Variants in AGAP3 observed in about 807,000 individuals in gnomAD.
AGAP3 encodes the protein arf-GAP with GTPase, ANK repeat and PH domain-containing protein 3.
In AGAP3, 24 loss-of-function variants were observed where a neutral mutation model predicts 96.9. The ratio of observed to expected loss-of-function variants is 0.25; its 90% confidence interval spans 0.18 to 0.35. AGAP3 has a LOEUF of 0.35. Among genes scored for constraint, AGAP3 ranks in the 10% least tolerant of loss-of-function variants. The pLI is 1.00. For synonymous variants in AGAP3, 563 were observed against 536.1 expected (o/e 1.05, Z -0.69); for missense variants, 876 against 1,254.2 (o/e 0.70, Z 4.55).
At chr7:151,131,018 G>C (rs2150514583) in intron 10 of AGAP3, 1 of 152,406 alleles carries the variant, frequency 6.6e-6, no homozygotes, top group East Asian at 1.9e-4. Context: ...AGGAGCTCCG[G>C]CAACTCCAGA....
At position 151,086,515 on chromosome 7, in the gene AGAP3, G is replaced by C. The variant is rs1191080258; in HGVS notation, c.-227G>C. ...GGCTGCTCCGAGGCAGCGGGATCACGGCGCTGGGAAGCGCTCGGCAGCGGC... is the reference window on the plus strand; with the variant it reads ...GGCTGCTCCGAGGCAGCGGGATCACCGCGCTGGGAAGCGCTCGGCAGCGGC... On this transcript the variant is annotated 5_prime_UTR_variant, in exon 1 of 18. Coordinates refer to ENST00000397238, the MANE Select transcript of AGAP3 (RefSeq NM_031946.7). Among the ~76,000 whole-genome samples the C allele has an allele frequency of 4.7e-5, 7 of 147,840 alleles. No individual in the cohort carries two copies. Among genetic ancestry groups the C allele is most frequent in the African/African-American group, 1.7e-4 (7 of 41,068 alleles).
At chr7:151,094,423 C>T (rs149309286) in intron 1 of AGAP3, among the ~76,000 whole-genome samples, 15 of 151,292 alleles carry the variant, frequency 9.9e-5, no homozygotes, top group African/African-American at 3.6e-4. Flanking sequence ...GGCATAGAGA[C>T]AGCCTGGAGT....
chr7:151,124,745 G>A (rs1418631565), intron 9 of AGAP3, among the ~76,000 whole-genome samples: 2 of 152,212 alleles, frequency 1.3e-5, no homozygotes, highest in Non-Finnish European at 2.9e-5. Flanking sequence ...CTTGTGGGGA[G>A]GGGCCAGTCG....
chr7:151,115,508 C>T, intron 1 of AGAP3: 23 of 1,026,174 alleles, frequency 2.2e-5, no homozygotes, highest in Non-Finnish European at 2.6e-5. Context: ...CGCCGGAGCC[C>T]GGCCGCCCCC....
rs759579708 is a variant in AGAP3 at position 151,142,446 on chromosome 7, G to A, written c.2085G>A (p.Leu695=). 1.2e-6 allele frequency: 2 copies of A among 1,614,008 alleles called. No individual in the cohort carries two copies. The highest frequency in any genetic ancestry group is 1.7e-6 in the Non-Finnish European group (2 of 1,180,014). Residue 695 remains leucine, a synonymous_variant, in exon 16 of 18, where the codon CTG becomes CTA. Coordinates refer to ENST00000397238, the MANE Select transcript of AGAP3 (RefSeq NM_031946.7). This position sits in a 1 kb window ranked among gnomAD's most constrained non-coding sequence, Gnocchi z 7.5. ...GGGCCAGCCTGAACCTGGGTGCCCT[G>A]ATGTGCATTGAGTGCTCAGGCATCC... is the stretch of plus-strand genomic sequence containing the variant. ...PDWASLNLGA[L]MCIECSGIHR... is the part of the protein sequence containing the mutation.
At chr7:151,094,216 C>T (rs1205422664) in intron 1 of AGAP3, among the ~76,000 whole-genome samples, 1 of 132,220 alleles carries the variant, frequency 7.6e-6, no homozygotes, top group Non-Finnish European at 1.6e-5. Flanking sequence ...GGTGAAATAT[C>T]AGGCATTATT....
chr7:151,112,938 T>C (rs1799358356), intron 1 of AGAP3, among the ~76,000 whole-genome samples: 1 of 152,150 alleles, frequency 6.6e-6, no homozygotes, highest in South Asian at 2.1e-4. Flanking sequence ...TTCACTACGT[T>C]GGCCAGGCTG....
intron 1 of AGAP3, among the ~76,000 whole-genome samples, chr7:151,094,429 G>A (rs2150409498): frequency 6.6e-6 from 1 of 151,724 alleles, no homozygotes; most frequent in African/African-American, 2.4e-5. Flanking sequence ...GAGACAGCCT[G>A]GAGTTCCCTG....
At chr7:151,129,117 T>C (rs1800299744) in intron 10 of AGAP3, among the ~76,000 whole-genome samples, 2 of 152,068 alleles carry the variant, frequency 1.3e-5, no homozygotes, top group South Asian at 4.2e-4. Context: ...TGGCCTTGTC[T>C]GTGGTTAGGA....
Position 151,142,286 on chromosome 7 carries a change from G to A in AGAP3, c.2050+33G>A, listed in dbSNP as rs141179028. On this transcript the variant is annotated intron_variant, in intron 15 of 17. Coordinates refer to ENST00000397238, the MANE Select transcript of AGAP3 (RefSeq NM_031946.7). This position sits in a 1 kb window ranked among gnomAD's most constrained non-coding sequence, Gnocchi z 7.5. ...CAAGGCTGGTGGGGCTGGGAGCTGGGGATGGCCCAGGGAAAGCTTCGCAAG... is the reference window on the plus strand; with the variant it reads ...CAAGGCTGGTGGGGCTGGGAGCTGGAGATGGCCCAGGGAAAGCTTCGCAAG... The A allele has an allele frequency of 1.3e-4, 215 of 1,608,984 alleles. 2 individuals are homozygous for A. In the African/African-American group the frequency reaches 2.6e-3, roughly 19 times the overall value.
chr7:151,126,275 G>A (rs1800165083), intron 9 of AGAP3, among the ~76,000 whole-genome samples: 1 of 152,090 alleles, frequency 6.6e-6, no homozygotes, highest in Non-Finnish European at 1.5e-5. Context: ...ACCCCTTCCC[G>A]CCCTGACTGT....
intron 1 of AGAP3, among the ~76,000 whole-genome samples, chr7:151,089,207 T>C (rs1798284749): frequency 6.6e-6 from 1 of 152,160 alleles, no homozygotes; most frequent in Non-Finnish European, 1.5e-5. Flanking sequence ...CCTATATCCT[T>C]CCTGCGATAG....
At chr7:151,091,681 G>A (rs901771120) in intron 1 of AGAP3, among the ~76,000 whole-genome samples, 1 of 152,184 alleles carries the variant, frequency 6.6e-6, no homozygotes, top group Non-Finnish European at 1.5e-5. Flanking sequence ...CGGGTCAGAA[G>A]CCAGAACAGG....
intron 11 of AGAP3, chr7:151,136,476 C>T (rs550405710): frequency 6.6e-6 from 1 of 152,388 alleles, no homozygotes; most frequent in South Asian, 2.1e-4. Context: ...ACACATGTCT[C>T]TCACTCACCG....
At chr7:151,088,282 G>A (rs536776931) in intron 1 of AGAP3, among the ~76,000 whole-genome samples, 2 of 152,344 alleles carry the variant, frequency 1.3e-5, no homozygotes, top group East Asian at 1.9e-4. Flanking sequence ...CTTTTGTTGT[G>A]ACATGCCAGT....
rs958526212 is a variant in AGAP3 at position 151,133,574 on chromosome 7, G to T, written c.1327-826G>T. On this transcript the variant is annotated intron_variant, in intron 10 of 17. Coordinates refer to ENST00000397238, the MANE Select transcript of AGAP3 (RefSeq NM_031946.7). The surrounding 1 kb of genome is among the most constrained non-coding windows in gnomAD (Gnocchi z 5.4). The stretch of plus-strand genomic sequence containing the variant: ...AGGCTGGAGGAAGCCTGCACACAGG[G>T]CACAGGCTTGGGAATCTGAAAAACC... Among the ~76,000 whole-genome samples the T allele has an allele frequency of 3.3e-5, 5 of 152,166 alleles. No individual in the cohort carries two copies. Among genetic ancestry groups the T allele is most frequent in the Admixed American group, 3.3e-4 (5 of 15,286 alleles).
intron 10 of AGAP3, among the ~76,000 whole-genome samples, chr7:151,132,271 CAA>C (rs1177476783): frequency 6.6e-6 from 1 of 152,202 alleles, no homozygotes; most frequent in African/African-American, 2.4e-5. Flanking sequence ...GAGCGGTTGT[CAA>C]AGAGGTCCTG....
In AGAP3 at chr7:151,112,391, CGA is replaced by C. The variant is rs530587330; in HGVS notation, c.332-4399_332-4398del. Reference sequence around the variant, plus strand: ...GACTGGGATTGCTGCCTGCCTTCCCCGAGACGTGTGTGTGTGTGTGTGTGTGT... The same window carrying C: ...GACTGGGATTGCTGCCTGCCTTCCCCGACGTGTGTGTGTGTGTGTGTGTGT... On this transcript the variant is annotated intron_variant, in intron 1 of 17. Transcript: ENST00000397238. The C allele has an allele frequency of 2.1e-3, 287 of 134,850 alleles. 2 individuals carry two copies. Among genetic ancestry groups the C allele is most frequent in the African/African-American group, 7.8e-3 (275 of 35,328 alleles). The allele number at this position is 134,850 out of a possible 1,614,324, so 8.4% of individuals were successfully genotyped here.
At position 151,096,233 on chromosome 7, in the gene AGAP3, G is replaced by C. The variant is rs1475770549; in HGVS notation, c.331+9161G>C. 6.6e-6 allele frequency among the ~76,000 whole-genome samples: 1 copy of C among 152,212 alleles called. No individual in the cohort carries two copies. The highest frequency in any genetic ancestry group is 1.5e-5 in the Non-Finnish European group (1 of 68,044). On this transcript the variant is annotated intron_variant, in intron 1 of 17. Transcript: ENST00000397238. This position sits in a 1 kb window ranked among gnomAD's most constrained non-coding sequence, Gnocchi z 4.4. ...GATGCGTGAGGTGAGGGCTGCATGAGATCACAGGAATGACCATTTCCGGAC... is the reference window on the plus strand; with the variant it reads ...GATGCGTGAGGTGAGGGCTGCATGACATCACAGGAATGACCATTTCCGGAC...
Sources: allele counts gnomAD v4.1 joint callset (sites outside exome capture counted in the v4.1 genomes callset), GRCh38; gene constraint gnomAD v4.1.1; non-coding constraint Gnocchi (gnomAD v3.1); transcripts MANE v1.5; gene names NCBI Gene and HGNC (gene_info 2026-07-23, HGNC 2026-07-21).